TMEM117: variants seen among roughly 807,000 people sequenced by gnomAD.
The protein encoded by TMEM117 is transmembrane protein 117.
In TMEM117, 27 loss-of-function variants were observed where a neutral mutation model predicts 52.4. The observed-to-expected ratio is 0.51, with a 90% CI of 0.38 to 0.71. TMEM117 has a LOEUF of 0.71. Ranked by LOEUF, TMEM117 falls within the 30% of genes least tolerant of loss-of-function variation. The probability of loss-of-function intolerance (pLI) is 0.00; values close to 1 mark genes in which losing one functional copy is unlikely to be tolerated. For missense variants in TMEM117, 556 were observed against 630.5 expected, an observed-to-expected ratio of 0.88 and a Z score of 1.26; for synonymous variants, 215 against 206.3, an observed-to-expected ratio of 1.04 and a Z score of -0.36.
intron 3 of TMEM117, among the ~76,000 whole-genome samples, chr12:43,974,834 A>G (rs979543521): frequency 2.0e-5 from 3 of 152,160 alleles, no homozygotes; most frequent in African/African-American, 7.2e-5. Context: ...TGTTAATAAT[A>G]TGTAATGCTA....
At chr12:44,092,567 T>A (rs1947692432) in intron 3 of TMEM117, among the ~76,000 whole-genome samples, 1 of 152,156 alleles carries the variant, frequency 6.6e-6, no homozygotes, top group Non-Finnish European at 1.5e-5. Context: ...ACAACACCTC[T>A]CGCCCACACA....
intron 5 of TMEM117, among the ~76,000 whole-genome samples, chr12:44,242,849 A>G (rs1178652185): frequency 6.6e-6 from 1 of 151,610 alleles, no homozygotes; most frequent in African/African-American, 2.4e-5. Flanking sequence ...ACTGCTTTCC[A>G]TAATGGTTGA....
At chr12:43,825,240 A>T in the TMEM117 span, among the ~76,000 whole-genome samples, 3 of 152,228 alleles carry the variant, frequency 2.0e-5, no homozygotes, top group Non-Finnish European at 4.4e-5. Context: ...CCACTAGTTT[A>T]CAAGGGTTGG....
At chr12:44,257,929 A>G (rs1311881616) in intron 5 of TMEM117, among the ~76,000 whole-genome samples, 1 of 152,124 alleles carries the variant, frequency 6.6e-6, no homozygotes, top group African/African-American at 2.4e-5. Flanking sequence ...AGTCATAACT[A>G]TGTTAATTTT....
chr12:44,136,882 T>G (rs1948498622), intron 3 of TMEM117, among the ~76,000 whole-genome samples: 1 of 152,172 alleles, frequency 6.6e-6, no homozygotes, highest in African/African-American at 2.4e-5. Context: ...CTAACTTTGT[T>G]AGAGCATCAT....
chr12:44,398,154 G>A, the TMEM117 span, among the ~76,000 whole-genome samples: 3 of 150,864 alleles, frequency 2.0e-5, no homozygotes, highest in Non-Finnish European at 4.4e-5. Context: ...CATCATCCAA[G>A]CCTGAAAACA....
At chr12:44,266,482 T>A (rs1950379200) in intron 5 of TMEM117, among the ~76,000 whole-genome samples, 1 of 152,168 alleles carries the variant, frequency 6.6e-6, no homozygotes, top group Non-Finnish European at 1.5e-5. Context: ...TGTCTTTTTA[T>A]GGTTGAGTTG....
intron 7 of TMEM117, among the ~76,000 whole-genome samples, chr12:44,383,791 G>A (rs183412617): frequency 6.6e-6 from 1 of 152,166 alleles, no homozygotes; most frequent in Admixed American, 6.5e-5. Context: ...TTCTATCTGG[G>A]TCATTTCAGG....
At chr12:44,247,724 A>C (rs1228232583) in intron 5 of TMEM117, among the ~76,000 whole-genome samples, 1 of 152,176 alleles carries the variant, frequency 6.6e-6, no homozygotes, top group Non-Finnish European at 1.5e-5. Flanking sequence ...ATCATCACCT[A>C]TGCCCCAACC....
At chr12:44,309,432 A>T (rs1437650324) in intron 6 of TMEM117, among the ~76,000 whole-genome samples, 2 of 151,896 alleles carry the variant, frequency 1.3e-5, no homozygotes, top group African/African-American at 2.4e-5. Flanking sequence ...AGTTAGATTA[A>T]ATGTGGAATC....
chr12:44,246,975 A>G (rs756317024), intron 5 of TMEM117, among the ~76,000 whole-genome samples: 29 of 152,312 alleles, frequency 1.9e-4, no homozygotes, highest in Non-Finnish European at 3.4e-4. Flanking sequence ...GTTATTTTTA[A>G]TCATCTCAAG....
intron 2 of TMEM117, 111 bp from the exon 3 acceptor site, chr12:43,944,099 G>A (rs922252075): frequency 2.1e-6 from 2 of 945,866 alleles, no homozygotes; most frequent in Admixed American, 2.9e-5. Flanking sequence ...CAGTCTTATG[G>A]CAAAGACTTC....
At chr12:44,092,973 C>T (rs1947699173) in intron 3 of TMEM117, among the ~76,000 whole-genome samples, 1 of 152,064 alleles carries the variant, frequency 6.6e-6, no homozygotes, top group South Asian at 2.1e-4. Context: ...GGGTTTGGAG[C>T]AGAAAAATTC....
intron 3 of TMEM117, among the ~76,000 whole-genome samples, chr12:43,984,240 C>T (rs550829087): frequency 2.6e-5 from 4 of 152,146 alleles, no homozygotes; most frequent in South Asian, 2.1e-4. Context: ...CAGTGGTACA[C>T]GTCTGTAGTC....
the TMEM117 span, among the ~76,000 whole-genome samples, chr12:43,818,434 T>G: frequency 0.17 from 24,915 of 145,964 alleles, 2,316 homozygotes; most frequent in African/African-American, 0.26. Flanking sequence ...TTTTTTTGTG[T>G]TTTTTTTTTG....
At chr12:44,397,886 A>G in the TMEM117 span, among the ~76,000 whole-genome samples, 7 of 152,248 alleles carry the variant, frequency 4.6e-5, no homozygotes, top group Admixed American at 3.9e-4. Flanking sequence ...ACAGAGTGAC[A>G]ACAGTGGAGG....
At chr12:44,055,585 C>T (rs976004591) in intron 3 of TMEM117, among the ~76,000 whole-genome samples, 3 of 152,120 alleles carry the variant, frequency 2.0e-5, no homozygotes, top group Non-Finnish European at 4.4e-5. Flanking sequence ...AGCTGTGTGG[C>T]ATCAGGTAGG....
At chr12:44,162,139 G>A (rs750015675) in intron 4 of TMEM117, among the ~76,000 whole-genome samples, 44 of 152,148 alleles carry the variant, frequency 2.9e-4, no homozygotes, top group Non-Finnish European at 6.0e-4. Flanking sequence ...AAATAAAGAT[G>A]ATGATATATA....
intron 3 of TMEM117, among the ~76,000 whole-genome samples, chr12:43,981,287 G>A (rs1246519196): frequency 6.6e-6 from 1 of 152,098 alleles, no homozygotes; most frequent in Non-Finnish European, 1.5e-5. Flanking sequence ...TTTTATTTCA[G>A]GAATTGTTCA....
Sources: gnomAD v4.1 joint callset for allele counts (sites outside exome capture counted in the v4.1 genomes callset) on GRCh38, gnomAD v4.1.1 for gene constraint, MANE v1.5 for transcripts, NCBI Gene and HGNC (gene_info 2026-07-23, HGNC 2026-07-21) for gene names.